The following CIMAP3 variants were observed in gnomAD, a reference collection of about 807,000 sequenced individuals.
The protein encoded by CIMAP3 is ciliary microtubule-associated protein 3.
At chr1:111,346,794 T>G in the CIMAP3 span, 33 of 1,573,446 alleles carry the variant, frequency 2.1e-5, no homozygotes, top group Non-Finnish European at 2.7e-5. Context: ...CGTGGTTTTG[T>G]AAGCGCACGG....
At chr1:111,351,355 T>A in the CIMAP3 span, 1 of 1,512,018 alleles carries the variant, frequency 6.6e-7, no homozygotes, top group Non-Finnish European at 8.9e-7. Context: ...CACGTGCTCC[T>A]CTTATACACA....
At chr1:111,348,012 C>T in the CIMAP3 span, among the ~76,000 whole-genome samples, 6 of 152,234 alleles carry the variant, frequency 3.9e-5, no homozygotes, top group African/African-American at 1.4e-4. Context: ...ATGGTCCCAA[C>T]ACAGGGCTTT....
At chr1:111,338,885 G>A in the CIMAP3 span, among the ~76,000 whole-genome samples, 11 of 152,256 alleles carry the variant, frequency 7.2e-5, no homozygotes, top group Middle Eastern at 6.8e-3. Context: ...ACCAAAGCCT[G>A]GCGGAGACAC....
At chr1:111,334,405 A>G in the CIMAP3 span, among the ~76,000 whole-genome samples, 1 of 152,200 alleles carries the variant, frequency 6.6e-6, no homozygotes, top group Non-Finnish European at 1.5e-5. Context: ...TAAAGAATCT[A>G]TTAGTAAATA....
At chr1:111,346,745 G>A in the CIMAP3 span, 5 of 1,568,428 alleles carry the variant, frequency 3.2e-6, no homozygotes, top group Non-Finnish European at 4.4e-6. Context: ...GAAAGACGAA[G>A]TGGGAGGAAG....
chr1:111,334,944 A>G, the CIMAP3 span, among the ~76,000 whole-genome samples: 1 of 152,044 alleles, frequency 6.6e-6, no homozygotes, highest in African/African-American at 2.4e-5. Context: ...CCTGGCCAAC[A>G]TGGCAAAACC....
At chr1:111,348,242 TGTTAAGCATA>T in the CIMAP3 span, 3 of 271,888 alleles carry the variant, frequency 1.1e-5, no homozygotes, top group Admixed American at 1.4e-4. Flanking sequence ...CTCAGTGAGG[TGTTAAGCATA>T]GTGGCCGTGA....
At chr1:111,340,426 A>T in the CIMAP3 span, among the ~76,000 whole-genome samples, 2 of 152,136 alleles carry the variant, frequency 1.3e-5, no homozygotes, top group African/African-American at 4.8e-5. Flanking sequence ...GGCAACCCAC[A>T]AAATTGGAGA....
the CIMAP3 span, among the ~76,000 whole-genome samples, chr1:111,338,742 C>T: frequency 0.033 from 4,942 of 151,986 alleles, 131 homozygotes; most frequent in East Asian, 0.091. Context: ...AGTCCAGGAC[C>T]AGATGGATTC....
At chr1:111,350,261 G>A in the CIMAP3 span, 30 of 1,494,374 alleles carry the variant, frequency 2.0e-5, 1 homozygote, top group East Asian at 3.8e-4. Context: ...ACTCTTATTC[G>A]ATCTAGTACT....
At chr1:111,350,034 G>T in the CIMAP3 span, 108 of 1,220,918 alleles carry the variant, frequency 8.8e-5, no homozygotes, top group African/African-American at 1.5e-3. Flanking sequence ...GTCCAGGGAC[G>T]GCTCTGGTAC....
At chr1:111,330,879 T>G in the CIMAP3 span, among the ~76,000 whole-genome samples, 1 of 152,254 alleles carries the variant, frequency 6.6e-6, no homozygotes, top group Non-Finnish European at 1.5e-5. Flanking sequence ...TGTCTGGTGA[T>G]GAGCAGTTGT....
chr1:111,335,580 C>T, the CIMAP3 span, among the ~76,000 whole-genome samples: 16 of 152,362 alleles, frequency 1.1e-4, no homozygotes, highest in East Asian at 1.3e-3. Context: ...CCTACGCCCA[C>T]GGAATCTCGC....
the CIMAP3 span, chr1:111,352,395 G>A: frequency 6.6e-6 from 1 of 152,550 alleles, no homozygotes; most frequent in African/African-American, 2.4e-5. Context: ...AACCCTCATG[G>A]CCACCCCCTG....
At chr1:111,346,771 TC>T in the CIMAP3 span, 1 of 1,557,718 alleles carries the variant, frequency 6.4e-7, no homozygotes, top group African/African-American at 1.4e-5. Flanking sequence ...TTCGCCCCCC[TC>T]CAGGAGTTTG....
chr1:111,339,771 C>T, the CIMAP3 span, among the ~76,000 whole-genome samples: 1 of 151,744 alleles, frequency 6.6e-6, no homozygotes. Flanking sequence ...GTGAAAATGG[C>T]CATACTGCCC....
At chr1:111,342,140 G>C in the CIMAP3 span, among the ~76,000 whole-genome samples, 2 of 152,144 alleles carry the variant, frequency 1.3e-5, no homozygotes, top group Admixed American at 6.5e-5. Context: ...CAAAGGTCAA[G>C]GAGAAAGAGA....
chr1:111,330,552 C>T, the CIMAP3 span, among the ~76,000 whole-genome samples: 8 of 152,162 alleles, frequency 5.3e-5, no homozygotes, highest in Non-Finnish European at 7.4e-5. Context: ...ATGCAGCTTC[C>T]TATGTTTCTG....
chr1:111,324,997 T>G, the CIMAP3 span: 1 of 634,184 alleles, frequency 1.6e-6, no homozygotes, highest in Non-Finnish European at 2.0e-6. Flanking sequence ...TTACACAAGT[T>G]CTCTGATTCT....
Sources: allele counts gnomAD v4.1 joint callset (sites outside exome capture counted in the v4.1 genomes callset), GRCh38; gene constraint gnomAD v4.1.1; transcripts MANE v1.5; gene names NCBI Gene and HGNC (gene_info 2026-07-23, HGNC 2026-07-21).